ELMO1: variants seen among roughly 807,000 people sequenced by gnomAD.
ELMO1 encodes the protein engulfment and cell motility protein 1.
ELMO1 carries 26 observed loss-of-function variants against 98.9 expected under a neutral mutation model. The observed-to-expected ratio is 0.26, with a 90% CI of 0.19 to 0.36. The LOEUF (loss-of-function observed/expected upper bound fraction) is 0.36. Ranked by LOEUF, ELMO1 falls within the 10% of genes least tolerant of loss-of-function variation. ELMO1 has a pLI of 1.00. For synonymous variants in ELMO1, 346 were observed against 346.0 expected (o/e 1.00, Z 0.00); for missense variants, 627 against 935.2 (o/e 0.67, Z 4.30).
chr7:37,393,200 A>C (rs561939345), intron 1 of ELMO1, among the ~76,000 whole-genome samples: 6 of 152,332 alleles, frequency 3.9e-5, no homozygotes, highest in African/African-American at 1.4e-4. Context: ...ATATAATATA[A>C]ATAAATTTCA....
intron 13 of ELMO1, chr7:37,197,296 G>A (rs1432667486): frequency 1.3e-5 from 2 of 152,184 alleles, no homozygotes; most frequent in African/African-American, 4.8e-5. Context: ...TTCTCAAATT[G>A]GTTCTTGTCC....
rs1195867601 is a variant in ELMO1, at chr7:37,061,194, G to GTT, written c.1300+35423_1300+35424dup. 3.3e-5 allele frequency among the ~76,000 whole-genome samples: 5 copies of GTT among 152,260 alleles called. No homozygotes were observed. The East Asian group carries it at 9.6e-4, about 29-fold the overall frequency. ...GACATCTAGCAGAATAGAAAAGGTAGTTTTCCTTCGTGTTGAAGATACAAG... is the reference window on the plus strand; with the variant it reads ...GACATCTAGCAGAATAGAAAAGGTAGTTTTTTCCTTCGTGTTGAAGATACAAG... On this transcript the variant is annotated intron_variant, in intron 15 of 21. Transcript: ENST00000310758.
chr7:37,199,238 G>A (rs1161305043), intron 13 of ELMO1, among the ~76,000 whole-genome samples: 1 of 152,182 alleles, frequency 6.6e-6, no homozygotes, highest in African/African-American at 2.4e-5. Context: ...AAAGTAAGAA[G>A]AACGAAGGTC....
chr7:37,368,288 A>T (rs1801982154), intron 1 of ELMO1, among the ~76,000 whole-genome samples: 1 of 152,224 alleles, frequency 6.6e-6, no homozygotes, highest in Admixed American at 6.5e-5. Flanking sequence ...AGTATAAATC[A>T]ATATATTAAA....
At chr7:37,174,095 T>TG (rs1790359572) in intron 13 of ELMO1, among the ~76,000 whole-genome samples, 1 of 152,222 alleles carries the variant, frequency 6.6e-6, no homozygotes, top group African/African-American at 2.4e-5. Flanking sequence ...AAACCATGAC[T>TG]GGGGGGCTTA....
chr7:37,425,854 C>A (rs187337782), intron 1 of ELMO1, among the ~76,000 whole-genome samples: 1 of 152,330 alleles, frequency 6.6e-6, no homozygotes, highest in African/African-American at 2.4e-5. Flanking sequence ...CTGAGAACTT[C>A]TCAGGGGATG....
intron 11 of ELMO1, among the ~76,000 whole-genome samples, chr7:37,214,977 G>C (rs771426730): frequency 4.6e-5 from 7 of 152,144 alleles, no homozygotes; most frequent in Non-Finnish European, 8.8e-5. Context: ...TGAAGACACT[G>C]AGCTACCCAT....
At chr7:37,188,048 G>T (rs556266861) in intron 13 of ELMO1, among the ~76,000 whole-genome samples, 2 of 152,028 alleles carry the variant, frequency 1.3e-5, no homozygotes, top group South Asian at 4.2e-4. Flanking sequence ...GGGGGTGGGG[G>T]TGCATTAAAA....
intron 15 of ELMO1, among the ~76,000 whole-genome samples, chr7:37,050,669 CTA>C (rs1391239838): frequency 1.4e-5 from 2 of 139,412 alleles, no homozygotes; most frequent in Admixed American, 7.2e-5. Context: ...CAAAAGGTAA[CTA>C]TGTGAAATAA....
chr7:37,100,596 G>C (rs1218752855), intron 14 of ELMO1, among the ~76,000 whole-genome samples: 2 of 152,294 alleles, frequency 1.3e-5, no homozygotes, highest in Non-Finnish European at 2.9e-5. Flanking sequence ...CTCTTTTGGG[G>C]GAGAGCCCAA....
intron 4 of ELMO1, among the ~76,000 whole-genome samples, chr7:37,274,656 G>C (rs1253453088): frequency 6.6e-6 from 1 of 152,050 alleles, no homozygotes; most frequent in African/African-American, 2.4e-5. Flanking sequence ...AGGTTCAAGC[G>C]ATTCTCCTGC....
intron 13 of ELMO1, among the ~76,000 whole-genome samples, chr7:37,139,058 A>T (rs528754154): frequency 6.6e-6 from 1 of 152,238 alleles, no homozygotes; most frequent in African/African-American, 2.4e-5. Flanking sequence ...CAAAATCTGC[A>T]TAGAAGGGAT....
At position 37,071,382 on chromosome 7, in the gene ELMO1, A is replaced by T. The variant is rs144366862; in HGVS notation, c.1300+25237T>A. Among the ~76,000 whole-genome samples, 91 of 152,262 alleles carry T rather than the reference A, an allele frequency of 6.0e-4. 1 individual carries two copies. Among genetic ancestry groups the T allele is most frequent in the African/African-American group, 2.1e-3 (88 of 41,552 alleles). On this transcript the variant is annotated intron_variant, in intron 15 of 21. Coordinates refer to ENST00000310758, the MANE Select transcript of ELMO1 (RefSeq NM_014800.11). ...ACCTCATATTCTTCACCATGCCCAC[A>T]ATCTTAGGAAAAAAAATGTATTTTT...
chr7:37,157,783 T>C (rs1160845717), intron 13 of ELMO1, among the ~76,000 whole-genome samples: 1 of 152,064 alleles, frequency 6.6e-6, no homozygotes, highest in Admixed American at 6.6e-5. Context: ...ATGACTTTCT[T>C]CACAGAATTG....
At chr7:37,052,723 C>G (rs1261556210) in intron 15 of ELMO1, among the ~76,000 whole-genome samples, 1 of 152,160 alleles carries the variant, frequency 6.6e-6, no homozygotes, top group Non-Finnish European at 1.5e-5. Flanking sequence ...ACGGTACCAG[C>G]TGGAATTAGC....
intron 13 of ELMO1, among the ~76,000 whole-genome samples, chr7:37,188,487 T>TAAAA (rs869157346): frequency 8.1e-4 from 26 of 32,042 alleles, no homozygotes; most frequent in Middle Eastern, 0.013. Flanking sequence ...TGGAGAAAGG[T>TAAAA]AAAAAAAAAA....
intron 16 of ELMO1, among the ~76,000 whole-genome samples, chr7:36,945,799 AGAGT>A (rs765448285): frequency 6.6e-6 from 1 of 152,352 alleles, no homozygotes; most frequent in East Asian, 1.9e-4. Context: ...CACACAGTCT[AGAGT>A]GACTGTATCT....
intron 1 of ELMO1, among the ~76,000 whole-genome samples, chr7:37,440,315 ACCTGTAGTCC>A (rs1805351701): frequency 6.6e-6 from 1 of 151,974 alleles, no homozygotes; most frequent in Non-Finnish European, 1.5e-5. Context: ...GATGGCAGGC[ACCTGTAGTCC>A]CAGTTACTGG....
intron 6 of ELMO1, among the ~76,000 whole-genome samples, chr7:37,248,720 G>T (rs1795153451): frequency 6.6e-6 from 1 of 152,254 alleles, no homozygotes; most frequent in Non-Finnish European, 1.5e-5. Context: ...GAGGTAAAGT[G>T]CAAAACGTGC....
Sources: gnomAD v4.1 joint callset for allele counts (sites outside exome capture counted in the v4.1 genomes callset) on GRCh38, gnomAD v4.1.1 for gene constraint, MANE v1.5 for transcripts, NCBI Gene and HGNC (gene_info 2026-07-23, HGNC 2026-07-21) for gene names.